AP1M2: variants seen among roughly 807,000 people sequenced by gnomAD.
AP1M2 encodes the protein adaptor related protein complex 1 subunit mu 2.
In AP1M2, 41 loss-of-function variants were observed where a neutral mutation model predicts 54.6. The observed-to-expected ratio is 0.75, with a 90% CI of 0.59 to 0.97. The LOEUF is 0.97. Among genes scored for constraint, AP1M2 ranks in the 50% least tolerant of loss-of-function variants. The probability of loss-of-function intolerance (pLI) is 0.00; values close to 1 mark genes in which losing one functional copy is unlikely to be tolerated. For synonymous variants in AP1M2, 219 were observed against 215.9 expected (o/e 1.01, Z -0.13); for missense variants, 507 against 561.2 (o/e 0.90, Z 0.98).
At chr19:10,577,692 C>T (rs978164078) in intron 8 of AP1M2, among the ~76,000 whole-genome samples, 1 of 147,860 alleles carries the variant, frequency 6.8e-6, no homozygotes, top group African/African-American at 2.5e-5. Context: ...ACCCCGGCCT[C>T]TCAAAGTGCT....
intron 11 of AP1M2, 155 bp downstream of exon 11, chr19:10,574,262 C>T (rs1917151415): frequency 5.2e-6 from 3 of 578,740 alleles, no homozygotes; most frequent in Middle Eastern, 4.6e-4. Flanking sequence ...TCAAGAGATC[C>T]ACCCGCCTTG....
At chr19:10,582,752 GAAAAAAC>G (rs1318919136) in intron 3 of AP1M2, among the ~76,000 whole-genome samples, 12 of 149,194 alleles carry the variant, frequency 8.0e-5, no homozygotes, top group African/African-American at 1.2e-4. Context: ...TGTCTCAAAA[GAAAAAAC>G]AAAAAAGAAA....
At chr19:10,575,383 T>C (rs546263132) in intron 9 of AP1M2, among the ~76,000 whole-genome samples, 23 of 152,144 alleles carry the variant, frequency 1.5e-4, no homozygotes, top group Admixed American at 3.9e-4. Flanking sequence ...CAGGGTTTTT[T>C]TCTTTTTTTA....
In AP1M2 at chr19:10,572,932, C is replaced by CT; in HGVS notation, c.*133dup. 1 of 857,624 alleles carries CT rather than the reference C, an allele frequency of 1.2e-6. No individual in the cohort carries two copies. Among genetic ancestry groups the CT allele is most frequent in the South Asian group, 1.5e-5 (1 of 65,274 alleles). The allele number at this position is 857,624 out of a possible 1,614,324, so 53.1% of individuals were successfully genotyped here. On this transcript the variant is annotated 3_prime_UTR_variant, in exon 12 of 12. Transcript: ENST00000250244. ...GGAAGAGGTGAGGAAGGGGCGGGTGCTGGGAGCAAGAAACTGCCAAGTCCA... is the reference window on the plus strand; with the variant it reads ...GGAAGAGGTGAGGAAGGGGCGGGTGCTTGGGAGCAAGAAACTGCCAAGTCCA...
chr19:10,579,350 A>G (rs921133776), intron 7 of AP1M2, among the ~76,000 whole-genome samples: 3 of 152,114 alleles, frequency 2.0e-5, no homozygotes, highest in African/African-American at 7.2e-5. Flanking sequence ...TGGGAGGCGG[A>G]GCTTGCAGTG....
chr19:10,581,211 C>A, intron 6 of AP1M2, 55 bp downstream of exon 6: 1 of 1,551,646 alleles, frequency 6.4e-7, no homozygotes. Context: ...CCACGTGGGG[C>A]GGGTTTGCGA....
At chr19:10,586,456 A>G (rs1246766568) in intron 1 of AP1M2, among the ~76,000 whole-genome samples, 1 of 149,618 alleles carries the variant, frequency 6.7e-6, no homozygotes, top group African/African-American at 2.5e-5. Context: ...CTCTATTTAA[A>G]AAAAAAAAAA....
At chr19:10,585,328 A>AAAGAAAGAAAGAAAG (rs1917618218) in intron 1 of AP1M2, among the ~76,000 whole-genome samples, 13 of 140,576 alleles carry the variant, frequency 9.2e-5, no homozygotes, top group Middle Eastern at 7.4e-3. Flanking sequence ...AGAAAGAAAG[A>AAAGAAAGAAAGAAAG]AAGAAAGAAA....
chr19:10,579,013 TTC>T (rs1284646749), intron 7 of AP1M2, 50 bp from the exon 8 acceptor site: 48 of 1,188,360 alleles, frequency 4.0e-5, no homozygotes, highest in South Asian at 2.5e-4. Flanking sequence ...GTTGACTCTC[TTC>T]TTTTTTTTTT....
chr19:10,586,504 C>T (rs1171045332), intron 1 of AP1M2, among the ~76,000 whole-genome samples: 9 of 150,700 alleles, frequency 6.0e-5, no homozygotes, highest in African/African-American at 2.2e-4. Flanking sequence ...GAGGGGTCAG[C>T]CCGCAGCCCC....
intron 11 of AP1M2, among the ~76,000 whole-genome samples, chr19:10,573,660 CTTTTTTTTTTTTT>C (rs35697396): frequency 1.0e-4 from 11 of 109,470 alleles, no homozygotes; most frequent in African/African-American, 3.6e-4. Context: ...CTTTTTTTTC[CTTTTTTTTTTTTT>C]TTTTTTTTGA....
rs1004415322 is a variant in AP1M2 at position 10,574,571 on chromosome 19, C to T, written c.1174-79G>A. 88 of 1,276,576 alleles carry T rather than the reference C, an allele frequency of 6.9e-5. No homozygotes were observed. In the African/African-American group the frequency reaches 1.3e-3, roughly 18 times the overall value. 79.1% of individuals were successfully genotyped at this position (1,276,576 alleles called of 1,614,324 possible). ...GCCAGGGAGAAAGAGACGGCTTAGG[C>T]CAAGCGGCTATGTGGCACAGGCTGG... On this transcript the variant is annotated intron_variant, in intron 10 of 11. Transcript: ENST00000250244.
intron 11 of AP1M2, 42 bp downstream of exon 11, chr19:10,574,375 C>T: frequency 2.7e-6 from 4 of 1,485,290 alleles, no homozygotes; most frequent in Non-Finnish European, 3.6e-6. Flanking sequence ...TACCCACTGC[C>T]TTTCCCTCAC....
intron 8 of AP1M2, among the ~76,000 whole-genome samples, chr19:10,578,356 C>T (rs1917316759): frequency 6.6e-6 from 1 of 151,988 alleles, no homozygotes; most frequent in African/African-American, 2.4e-5. Context: ...GCGGCAGGAG[C>T]CTGTAATCCC....
Position 10,583,812 on chromosome 19 carries a change from C to T in AP1M2, c.199+102G>A, listed in dbSNP as rs190564738. 6.8e-4 allele frequency: 1,012 copies of T among 1,489,924 alleles called. 7 individuals carry two copies. The highest frequency in any genetic ancestry group is 3.0e-4 in the Admixed American group (15 of 49,544). 92.3% of individuals were successfully genotyped at this position (1,489,924 alleles called of 1,614,324 possible). A position where few individuals can be genotyped will look rare whatever the true frequency, so the allele number is the denominator to read the frequency against. ...CCCCAGCCTAAGCCACAGAGATGTG[C>T]GGTGCAACTCCTGTCCTCAGCCCAC... On this transcript the variant is annotated intron_variant, in intron 2 of 11. Transcript: ENST00000250244.
intron 6 of AP1M2, 93 bp downstream of exon 6, chr19:10,581,173 C>A: frequency 3.3e-5 from 49 of 1,499,848 alleles, no homozygotes; most frequent in Middle Eastern, 2.5e-4. Context: ...GCGCTTATTT[C>A]AAAACGGGCT....
chr19:10,579,739 T>G lies in AP1M2; in HGVS notation c.793A>C (p.Met265Leu), dbSNP rs757753697. 6.2e-7 allele frequency: 1 copy of G among 1,613,624 alleles called. No individual in the cohort carries two copies. Among genetic ancestry groups the G allele is most frequent in the African/African-American group, 1.3e-5 (1 of 74,888 alleles). ...ACCTGGGTGCTGAGGCGGTATGACATGAGCTCAAAGTCACCATCAGGCGGG... is the reference window on the plus strand; with the variant it reads ...ACCTGGGTGCTGAGGCGGTATGACAGGAGCTCAAAGTCACCATCAGGCGGG... ...FIPPDGDFEL[M>L]SYRLSTQVKP... is the part of the protein sequence containing the mutation. The change falls in exon 7 of 12, where the codon ATG becomes CTG. Residue 265 changes from methionine to leucine, a missense_variant. Transcript: ENST00000250244.
intron 10 of AP1M2, 129 bp from the exon 11 acceptor site, chr19:10,574,621 TC>T: frequency 1.2e-6 from 1 of 834,042 alleles, no homozygotes; most frequent in South Asian, 1.8e-5. Flanking sequence ...TATCACATGG[TC>T]TTAGGGGGAT....
At chr19:10,577,767 C>T (rs1006120987) in intron 8 of AP1M2, among the ~76,000 whole-genome samples, 3 of 137,794 alleles carry the variant, frequency 2.2e-5, no homozygotes, top group Non-Finnish European at 3.1e-5. Context: ...GACGGAGTCT[C>T]TCTCTGTCAC....
Sources: gnomAD v4.1 joint callset for allele counts (sites outside exome capture counted in the v4.1 genomes callset) on GRCh38, gnomAD v4.1.1 for gene constraint, MANE v1.5 for transcripts, NCBI Gene and HGNC (gene_info 2026-07-23, HGNC 2026-07-21) for gene names.